CNGB3: variants seen among roughly 807,000 people sequenced by gnomAD.
CNGB3 encodes the protein cyclic nucleotide gated channel subunit beta 3.
A neutral mutation model predicts 92.8 loss-of-function variants in CNGB3; 86 were observed. The ratio of observed to expected loss-of-function variants is 0.93; its 90% confidence interval spans 0.78 to 1.11. The LOEUF (loss-of-function observed/expected upper bound fraction) is 1.11, where lower values mean the gene tolerates loss of function less well. Among genes scored for constraint, CNGB3 ranks in the 50% least tolerant of loss-of-function variants. The probability of loss-of-function intolerance (pLI) is 0.00; values close to 1 mark genes in which losing one functional copy is unlikely to be tolerated. For synonymous variants in CNGB3, 333 were observed against 332.7 expected, an observed-to-expected ratio of 1.00 and a Z score of -0.01; for missense variants, 1,026 against 956.8, an observed-to-expected ratio of 1.07 and a Z score of -0.95.
chr8:86,713,885 T>C (rs1824796395), intron 3 of CNGB3, among the ~76,000 whole-genome samples: 2 of 152,192 alleles, frequency 1.3e-5, no homozygotes. Flanking sequence ...AGCTTTAGGA[T>C]CACAGCAAAA....
chr8:86,645,461 C>T (rs1823278765), intron 8 of CNGB3, among the ~76,000 whole-genome samples: 1 of 151,158 alleles, frequency 6.6e-6, no homozygotes, highest in South Asian at 2.1e-4. Context: ...TTGGTTTCCT[C>T]ATCTGTAAAA....
intron 3 of CNGB3, among the ~76,000 whole-genome samples, chr8:86,678,379 T>C (rs1283074114): frequency 1.3e-5 from 2 of 152,200 alleles, no homozygotes; most frequent in African/African-American, 4.8e-5. Flanking sequence ...CACTCCCTTT[T>C]CACATTCACC....
intron 2 of CNGB3, among the ~76,000 whole-genome samples, chr8:86,731,961 G>A (rs138532627): frequency 6.6e-6 from 1 of 152,140 alleles, no homozygotes; most frequent in Non-Finnish European, 1.5e-5. Context: ...AAATCGTAAT[G>A]CAATTTTCCA....
At chr8:86,652,688 C>T (rs913072746) in intron 7 of CNGB3, among the ~76,000 whole-genome samples, 6 of 151,990 alleles carry the variant, frequency 3.9e-5, no homozygotes, top group Non-Finnish European at 8.8e-5. Flanking sequence ...CTTCCACATC[C>T]ACATCTTGCC....
chr8:86,678,695 A>T (rs1824022773), intron 3 of CNGB3, among the ~76,000 whole-genome samples: 1 of 152,180 alleles, frequency 6.6e-6, no homozygotes, highest in South Asian at 2.1e-4. Context: ...TATTGTCCCA[A>T]AAATGTAATG....
rs1490544522 is a variant in CNGB3, at chr8:86,628,855, C to G, written c.1480+64G>C. The G allele has an allele frequency of 9.0e-6, 14 of 1,561,132 alleles. No individual in the cohort carries two copies. The East Asian group carries it at 3.1e-4, about 35-fold the overall frequency. On this transcript the variant is annotated intron_variant, in intron 12 of 17. Transcript: ENST00000320005. ...TTCAAATCCAACTAGTCTCTGCTAC[C>G]TTACAGAATTTTCATCATATGACAA...
intron 3 of CNGB3, among the ~76,000 whole-genome samples, chr8:86,693,408 T>A (rs1339305626): frequency 1.9e-5 from 2 of 107,478 alleles, no homozygotes; most frequent in Non-Finnish European, 3.5e-5. Flanking sequence ...TTGGAAACTT[T>A]GTTCATTTTT....
At chr8:86,639,084 C>T (rs1387294076) in intron 10 of CNGB3, among the ~76,000 whole-genome samples, 2 of 151,938 alleles carry the variant, frequency 1.3e-5, no homozygotes, top group East Asian at 1.9e-4. Flanking sequence ...TTTTCTAGCA[C>T]TATGGTATAG....
chr8:86,711,835 CTATATA>C (rs10608743), intron 3 of CNGB3, among the ~76,000 whole-genome samples: 231 of 123,776 alleles, frequency 1.9e-3, no homozygotes, highest in African/African-American at 6.1e-3. Context: ...CTCTCTCTCT[CTATATA>C]TATATATATA....
At chr8:86,715,900 C>T (rs959785318) in intron 3 of CNGB3, among the ~76,000 whole-genome samples, 1 of 151,046 alleles carries the variant, frequency 6.6e-6, no homozygotes, top group East Asian at 2.0e-4. Flanking sequence ...GGGTGCAGCA[C>T]ACCAGCATGG....
At chr8:86,660,030 T>A (rs1009574) in intron 6 of CNGB3, 130,985 of 335,030 alleles carry the variant, frequency 0.39, 26,465 homozygotes, top group Middle Eastern at 0.51. Context: ...GCCGCCATGC[T>A]AGTGAGACTG....
intron 3 of CNGB3, among the ~76,000 whole-genome samples, chr8:86,708,904 G>A (rs1824699776): frequency 6.6e-6 from 1 of 152,052 alleles, no homozygotes; most frequent in South Asian, 2.1e-4. Context: ...GAAGAACATG[G>A]GAGTAGAGGA....
At position 86,694,949 on chromosome 8, in the gene CNGB3, G is replaced by A. The variant is rs562148370; in HGVS notation, c.339-23851C>T. Among the ~76,000 whole-genome samples, 285 of 152,318 alleles carry A rather than the reference G, an allele frequency of 1.9e-3. No individual in the cohort carries two copies. The Middle Eastern group carries it at 0.024, about 13-fold the overall frequency. ...AGCACTTTGGGAGGCTAAGGCAGGC[G>A]GCTGGGAGGTGGTTGTAGCGAGCCG... On this transcript the variant is annotated intron_variant, in intron 3 of 17. Transcript: ENST00000320005.
At chr8:86,592,036 C>T (rs182847195) in intron 15 of CNGB3, among the ~76,000 whole-genome samples, 4 of 152,370 alleles carry the variant, frequency 2.6e-5, no homozygotes, top group East Asian at 3.9e-4. Flanking sequence ...AGGATATAAT[C>T]TCGTGGTGTG....
chr8:86,652,113 G>A (rs1287077222), intron 7 of CNGB3, among the ~76,000 whole-genome samples: 2 of 151,956 alleles, frequency 1.3e-5, no homozygotes, highest in Non-Finnish European at 2.9e-5. Flanking sequence ...TGTACAGCAT[G>A]TTACTGTACT....
intron 15 of CNGB3, among the ~76,000 whole-genome samples, chr8:86,585,648 T>G (rs552936731): frequency 6.6e-6 from 1 of 152,314 alleles, no homozygotes; most frequent in South Asian, 2.1e-4. Flanking sequence ...GCTTCAAATT[T>G]AGGTGTAAGC....
chr8:86,731,257 G>T (rs1369455811), intron 2 of CNGB3, among the ~76,000 whole-genome samples: 1 of 152,188 alleles, frequency 6.6e-6, no homozygotes, highest in Non-Finnish European at 1.5e-5. Flanking sequence ...TTGGCTGGTG[G>T]TACTCAGGAG....
At chr8:86,597,939 C>T (rs533450569) in intron 15 of CNGB3, among the ~76,000 whole-genome samples, 9 of 152,066 alleles carry the variant, frequency 5.9e-5, no homozygotes, top group Admixed American at 4.6e-4. Flanking sequence ...GATGGTGCCA[C>T]TGAACTCCAG....
intron 15 of CNGB3, among the ~76,000 whole-genome samples, chr8:86,582,739 C>G (rs1821813683): frequency 6.6e-6 from 1 of 151,924 alleles, no homozygotes; most frequent in Admixed American, 6.6e-5. Context: ...AATGACCCTT[C>G]AAAAGTAAAG....
Sources: gnomAD v4.1 joint callset for allele counts (sites outside exome capture counted in the v4.1 genomes callset) on GRCh38, gnomAD v4.1.1 for gene constraint, MANE v1.5 for transcripts, NCBI Gene and HGNC (gene_info 2026-07-23, HGNC 2026-07-21) for gene names.